LRRC72: variants seen among roughly 807,000 people sequenced by gnomAD.
The protein encoded by LRRC72 is leucine rich repeat containing 72.
Under a neutral mutation model 35.8 loss-of-function variants are expected in LRRC72, and 41 were observed. The observed-to-expected ratio is 1.15, with a 90% confidence interval of 0.89 to 1.49. The LOEUF is 1.49. Ranked by LOEUF, LRRC72 falls within the 40% of genes most tolerant of loss-of-function variation. LRRC72 has a pLI of 0.00. For synonymous variants in LRRC72, 118 were observed against 119.2 expected (o/e 0.99, Z 0.07); for missense variants, 389 against 330.7 (o/e 1.18, Z -1.37).
chr7:16,549,708 A>G (rs1410460072), intron 3 of LRRC72, among the ~76,000 whole-genome samples: 2 of 152,170 alleles, frequency 1.3e-5, no homozygotes, highest in African/African-American at 4.8e-5. Flanking sequence ...AGTCTGGAAA[A>G]GCAAATATCT....
intron 7 of LRRC72, among the ~76,000 whole-genome samples, chr7:16,579,162 A>AT (rs1215900308): frequency 6.6e-6 from 1 of 152,200 alleles, no homozygotes; most frequent in African/African-American, 2.4e-5. Context: ...GAATATGTTA[A>AT]TTAGATTGAG....
chr7:16,575,238 G>A (rs1274147080), intron 7 of LRRC72, among the ~76,000 whole-genome samples: 1 of 152,132 alleles, frequency 6.6e-6, no homozygotes, highest in African/African-American at 2.4e-5. Context: ...CTCATATTTG[G>A]CTCAGAATAA....
In LRRC72 at chr7:16,558,944, C is replaced by T; in HGVS notation, c.372C>T (p.Thr124=). The T allele has an allele frequency of 6.5e-7, 1 of 1,536,316 alleles. No homozygotes were observed. The highest frequency in any genetic ancestry group is 8.8e-7 in the Non-Finnish European group (1 of 1,138,248). ...TCCTGCTACACCACAATGAGCTAAC[C>T]AACATTGATGCAACAGTGAAGGAAT... ...HILLLHHNEL[T]NIDATVKELK... The change falls in exon 5 of 9, where the codon ACC becomes ACT. Residue 124 remains threonine, a synonymous_variant. Transcript: ENST00000401542.
At chr7:16,579,631 C>CT (rs529620204) in intron 7 of LRRC72, among the ~76,000 whole-genome samples, 6 of 152,244 alleles carry the variant, frequency 3.9e-5, no homozygotes, top group African/African-American at 9.6e-5. Flanking sequence ...AAAGTTAATG[C>CT]TAAGAATCCA....
intron 3 of LRRC72, among the ~76,000 whole-genome samples, chr7:16,538,835 C>T (rs1045991850): frequency 6.6e-6 from 1 of 152,194 alleles, no homozygotes; most frequent in Admixed American, 6.5e-5. Flanking sequence ...GTAAGATGTG[C>T]CTTGCTTCCC....
rs1257108768 is a variant in LRRC72, at chr7:16,537,670, A to G, written c.208A>G (p.Lys70Glu). The G allele has an allele frequency of 6.6e-7, 1 of 1,526,328 alleles. No individual in the cohort carries two copies. Among genetic ancestry groups the G allele is most frequent in the Admixed American group, 2.1e-5 (1 of 48,168 alleles). 94.5% of individuals were successfully genotyped at this position (1,526,328 alleles called of 1,614,324 possible). A position where few individuals can be genotyped will look rare whatever the true frequency, so the allele number is the denominator to read the frequency against. The stretch of plus-strand genomic sequence containing the variant: ...TGATCTTTCTAGGTTTAAAAAATTA[A>G]AATACTTATGGCTTCATCATAACAA... ...VIDLSRFKKLKYLWLHHNKLH... is the reference protein window; with the variant it reads ...VIDLSRFKKLEYLWLHHNKLH... Residue 70 changes from lysine to glutamate, a missense_variant, in exon 3 of 9, where the codon AAA becomes GAA. By Grantham distance (56) the Lys-to-Glu change is moderately conservative. Transcript: ENST00000401542.
intron 5 of LRRC72, among the ~76,000 whole-genome samples, chr7:16,560,156 T>C (rs944336485): frequency 5.3e-5 from 8 of 152,208 alleles, no homozygotes; most frequent in Non-Finnish European, 1.2e-4. Context: ...TTTCAGACTT[T>C]AGAGTTTAGA....
At chr7:16,565,608 A>T (rs1004045438) in intron 5 of LRRC72, among the ~76,000 whole-genome samples, 5 of 152,194 alleles carry the variant, frequency 3.3e-5, no homozygotes, top group Non-Finnish European at 7.4e-5. Flanking sequence ...TTCCCAAGGG[A>T]TATGATGTCA....
intron 3 of LRRC72, among the ~76,000 whole-genome samples, chr7:16,556,972 C>G (rs1782659727): frequency 6.6e-6 from 1 of 151,906 alleles, no homozygotes; most frequent in African/African-American, 2.4e-5. Flanking sequence ...AGGGGAGAGC[C>G]CTTGGCACAT....
At chr7:16,573,459 T>C (rs993343937) in intron 7 of LRRC72, among the ~76,000 whole-genome samples, 1 of 152,138 alleles carries the variant, frequency 6.6e-6, no homozygotes, top group Non-Finnish European at 1.5e-5. Flanking sequence ...AACAGATATA[T>C]AGACCAATGT....
intron 2 of LRRC72, among the ~76,000 whole-genome samples, chr7:16,533,131 T>C (rs1782196824): frequency 6.6e-6 from 1 of 152,122 alleles, no homozygotes; most frequent in Non-Finnish European, 1.5e-5. Context: ...CAATGAGTAT[T>C]AGTATGGTTA....
chr7:16,532,619 T>C (rs1782187929), intron 2 of LRRC72, 51 bp downstream of exon 2: 5 of 1,308,128 alleles, frequency 3.8e-6, no homozygotes, highest in Admixed American at 2.0e-5. Context: ...ATCATGATCA[T>C]GTTAAAATGT....
At chr7:16,552,230 T>A (rs769954327) in intron 3 of LRRC72, among the ~76,000 whole-genome samples, 4 of 152,182 alleles carry the variant, frequency 2.6e-5, no homozygotes, top group Non-Finnish European at 4.4e-5. Context: ...TTTTCTCAGA[T>A]CACACATATC....
chr7:16,531,858 G>A (rs983415213), intron 1 of LRRC72, among the ~76,000 whole-genome samples: 1 of 152,296 alleles, frequency 6.6e-6, no homozygotes, highest in South Asian at 2.1e-4. Flanking sequence ...GGGAATAAAA[G>A]CTGCTTCTCC....
intron 3 of LRRC72, among the ~76,000 whole-genome samples, chr7:16,541,266 T>G (rs1450165204): frequency 1.3e-5 from 2 of 152,228 alleles, no homozygotes; most frequent in Non-Finnish European, 2.9e-5. Context: ...TAACCCAATC[T>G]TAGCATTTTG....
intron 3 of LRRC72, among the ~76,000 whole-genome samples, chr7:16,548,736 A>T (rs1782495161): frequency 6.6e-6 from 1 of 152,234 alleles, no homozygotes; most frequent in African/African-American, 2.4e-5. Context: ...ACAGCCTTCC[A>T]GGCTGAGTGG....
At chr7:16,544,993 TCA>T (rs1388855402) in intron 3 of LRRC72, among the ~76,000 whole-genome samples, 1 of 152,206 alleles carries the variant, frequency 6.6e-6, no homozygotes, top group African/African-American at 2.4e-5. Flanking sequence ...ATAACATCAC[TCA>T]CACTGACTAG....
intron 3 of LRRC72, among the ~76,000 whole-genome samples, chr7:16,539,709 C>G (rs1782323145): frequency 6.6e-6 from 1 of 152,238 alleles, no homozygotes; most frequent in African/African-American, 2.4e-5. Context: ...TTCCCAGCCA[C>G]TCCAGCTCCA....
chr7:16,532,334 T>C (rs1469774164), intron 1 of LRRC72, among the ~76,000 whole-genome samples, 161 bp from the exon 2 acceptor site: 2 of 152,150 alleles, frequency 1.3e-5, no homozygotes, highest in Non-Finnish European at 2.9e-5. Context: ...AATGAGTAAA[T>C]AATATATAAT....
Sources: gnomAD v4.1 joint callset for allele counts (sites outside exome capture counted in the v4.1 genomes callset) on GRCh38, gnomAD v4.1.1 for gene constraint, MANE v1.5 for transcripts, NCBI Gene and HGNC (gene_info 2026-07-23, HGNC 2026-07-21) for gene names.